Variants in CSMD1 observed in about 807,000 individuals in gnomAD.
The protein encoded by CSMD1 is CUB and sushi domain-containing protein 1.
A neutral mutation model predicts 417.5 loss-of-function variants in CSMD1; 213 were observed. The ratio of observed to expected loss-of-function variants is 0.51; its 90% confidence interval spans 0.46 to 0.57. The LOEUF is 0.57. Among genes scored for constraint, CSMD1 ranks in the 20% least tolerant of loss-of-function variants. The probability of loss-of-function intolerance (pLI) is 0.00; values close to 1 mark genes in which losing one functional copy is unlikely to be tolerated. For missense variants in CSMD1, 6,923 were observed against 4,529.7 expected, an observed-to-expected ratio of 1.53 and a Z score of -15.17; for synonymous variants, 2,862 against 1,736.8, an observed-to-expected ratio of 1.65 and a Z score of -16.11.
At chr8:4,379,819 G>C (rs1008933552) in intron 3 of CSMD1, among the ~76,000 whole-genome samples, 1 of 152,212 alleles carries the variant, frequency 6.6e-6, no homozygotes, top group African/African-American at 2.4e-5. Flanking sequence ...TATGAGGTAA[G>C]TACTGTTTGC....
At chr8:4,520,427 G>C (rs1376065631) in intron 2 of CSMD1, among the ~76,000 whole-genome samples, 2 of 152,112 alleles carry the variant, frequency 1.3e-5, no homozygotes, top group Non-Finnish European at 2.9e-5. Flanking sequence ...GTCTTTCATA[G>C]ATCTCCATTT....
At chr8:4,486,665 T>C (rs891305439) in intron 2 of CSMD1, among the ~76,000 whole-genome samples, 1 of 152,076 alleles carries the variant, frequency 6.6e-6, no homozygotes, top group Non-Finnish European at 1.5e-5. Flanking sequence ...ATGGGGAAAC[T>C]GAAGTTTGGC....
intron 3 of CSMD1, among the ~76,000 whole-genome samples, chr8:4,329,886 T>A (rs1417297206): frequency 1.3e-5 from 2 of 150,426 alleles, no homozygotes; most frequent in African/African-American, 4.9e-5. Context: ...ACACACACAC[T>A]CTTTCTCTCT....
Position 3,250,081 on chromosome 8 carries a change from T to G in CSMD1, c.4154-19850A>C, listed in dbSNP as rs185027618. 2.8e-3 allele frequency among the ~76,000 whole-genome samples: 431 copies of G among 152,048 alleles called. 2 individuals carry two copies. Among genetic ancestry groups the G allele is most frequent in the African/African-American group, 0.01 (419 of 41,548 alleles). ...TTGTTTATTTATTTTTAATTATACT[T>G]TGTTTTAGGGTACATGTGCACAACG... On this transcript the variant is annotated intron_variant, in intron 26 of 69. Transcript: ENST00000635120.
intron 1 of CSMD1, among the ~76,000 whole-genome samples, chr8:4,793,643 C>T (rs1797814673): frequency 6.6e-6 from 1 of 152,062 alleles, no homozygotes; most frequent in Non-Finnish European, 1.5e-5. Flanking sequence ...CTAATTATTG[C>T]TGTCAATAGC....
At chr8:4,212,748 A>ATTTTTTTTT (rs1233118651) in intron 3 of CSMD1, among the ~76,000 whole-genome samples, 2 of 101,906 alleles carry the variant, frequency 2.0e-5, no homozygotes, top group South Asian at 3.4e-4. Context: ...CAGCGGCCTT[A>ATTTTTTTTT]TTCTTTTTTT....
At chr8:3,493,854 G>T in intron 10 of CSMD1, 128 bp from the exon 11 acceptor site, 1 of 634,854 alleles carries the variant, frequency 1.6e-6, no homozygotes, top group Non-Finnish European at 2.7e-6. Context: ...TGATCCCAGA[G>T]CTGCTTTAAG....
chr8:4,347,679 A>C (rs1427721863), intron 3 of CSMD1, among the ~76,000 whole-genome samples: 3 of 152,088 alleles, frequency 2.0e-5, no homozygotes, highest in African/African-American at 4.8e-5. Context: ...AATTGCAATG[A>C]CTCCTATTAC....
chr8:3,541,297 G>C (rs1044887415), intron 10 of CSMD1, among the ~76,000 whole-genome samples: 1 of 152,162 alleles, frequency 6.6e-6, no homozygotes, highest in Non-Finnish European at 1.5e-5. Context: ...AATACTGCAT[G>C]TTCTCACTTA....
chr8:3,835,281 C>T (rs932319439), intron 5 of CSMD1, among the ~76,000 whole-genome samples: 14 of 151,948 alleles, frequency 9.2e-5, no homozygotes, highest in African/African-American at 1.7e-4. Flanking sequence ...ATGTTTACTG[C>T]GGCACTATTC....
intron 1 of CSMD1, among the ~76,000 whole-genome samples, chr8:4,847,958 C>G (rs1294728111): frequency 6.6e-6 from 1 of 152,146 alleles, no homozygotes; most frequent in African/African-American, 2.4e-5. Context: ...CACCCCCCAT[C>G]CCTTCAAGGC....
Position 4,542,545 on chromosome 8 carries a change from T to C in CSMD1, c.302+94797A>G, listed in dbSNP as rs145537388. ...ATGAATGCTGTTGCAAATTAGAAGA[T>C]AAAAGGGTGCTGTCATTTTTGCCCA... On this transcript the variant is annotated intron_variant, in intron 2 of 69. Transcript: ENST00000635120. 2.5e-3 allele frequency among the ~76,000 whole-genome samples: 384 copies of C among 152,326 alleles called. 3 individuals carry two copies. Among genetic ancestry groups the C allele is most frequent in the African/African-American group, 7.6e-3 (315 of 41,580 alleles).
chr8:3,300,358 G>GC (rs200038608), intron 25 of CSMD1, among the ~76,000 whole-genome samples: 16,609 of 150,874 alleles, frequency 0.11, 939 homozygotes, highest in Middle Eastern at 0.16. Flanking sequence ...ACTACATTTA[G>GC]GGGTTTTTTT....
intron 26 of CSMD1, among the ~76,000 whole-genome samples, chr8:3,244,824 C>A (rs543256608): frequency 6.6e-6 from 1 of 152,214 alleles, no homozygotes; most frequent in East Asian, 1.9e-4. Context: ...GGTGCGGGAT[C>A]CGTCTTCAGC....
intron 11 of CSMD1, among the ~76,000 whole-genome samples, chr8:3,484,337 C>T (rs1002080058): frequency 5.9e-5 from 9 of 152,138 alleles, no homozygotes; most frequent in Middle Eastern, 3.2e-3. Context: ...TGGAGAAAGG[C>T]GAGTCCTTTC....
chr8:4,504,596 T>C (rs1324240994), intron 2 of CSMD1, among the ~76,000 whole-genome samples: 1 of 152,184 alleles, frequency 6.6e-6, no homozygotes, highest in Admixed American at 6.6e-5. Context: ...AAGCCTCGCA[T>C]GCATTAGGCA....
At chr8:4,031,842 A>T in intron 4 of CSMD1, 63 bp downstream of exon 4, 1 of 1,272,306 alleles carries the variant, frequency 7.9e-7, no homozygotes, top group Non-Finnish European at 1.1e-6. Flanking sequence ...CTTTCATAAA[A>T]GCATCTCCAA....
intron 1 of CSMD1, among the ~76,000 whole-genome samples, chr8:4,990,369 AT>A (rs10625552): frequency 2.3e-4 from 34 of 150,468 alleles, no homozygotes; most frequent in East Asian, 1.2e-3. Context: ...AGGGGTTCAC[AT>A]TTTTTTTTTT....
intron 4 of CSMD1, among the ~76,000 whole-genome samples, chr8:4,028,003 G>C (rs1271888148): frequency 6.6e-6 from 1 of 152,252 alleles, no homozygotes; most frequent in Admixed American, 6.5e-5. Flanking sequence ...TCAATTAATT[G>C]AGAACAGTCT....
Sources: allele counts gnomAD v4.1 joint callset (sites outside exome capture counted in the v4.1 genomes callset), GRCh38; gene constraint gnomAD v4.1.1; transcripts MANE v1.5; gene names NCBI Gene and HGNC (gene_info 2026-07-23, HGNC 2026-07-21).